Variants in SLC27A1 observed in about 807,000 individuals in gnomAD.
SLC27A1 encodes long-chain fatty acid transport protein 1.
SLC27A1 carries 61 observed loss-of-function variants against 62.2 expected under a neutral mutation model. The observed-to-expected ratio is 0.98, with a 90% CI of 0.80 to 1.21. The LOEUF is 1.21. Among genes scored for constraint, SLC27A1 ranks in the 50% most tolerant of loss-of-function variants. The pLI is 0.00. For missense variants in SLC27A1, 903 were observed against 932.1 expected (o/e 0.97, Z 0.41); for synonymous variants, 435 against 408.6 (o/e 1.06, Z -0.78).
chr19:17,470,805 C>G (rs377608983), intron 1 of SLC27A1, 98 bp downstream of exon 1: 2 of 733,738 alleles, frequency 2.7e-6, no homozygotes, highest in Admixed American at 1.3e-4. Flanking sequence ...TTGGAGGGTC[C>G]GGAGAGCTGA....
chr19:17,471,508 A>C (rs1238576089), intron 1 of SLC27A1, among the ~76,000 whole-genome samples: 1 of 151,830 alleles, frequency 6.6e-6, no homozygotes, highest in African/African-American at 2.4e-5. Flanking sequence ...ACTTGCTCAA[A>C]CGAGCCGTTG....
chr19:17,505,765 ACAGGAGAGG>A lies in SLC27A1; in HGVS notation c.*1157_*1165del, dbSNP rs1480239807. The A allele has an allele frequency of 6.6e-6, 1 of 152,536 alleles. No homozygotes were observed. Among genetic ancestry groups the A allele is most frequent in the African/African-American group, 2.4e-5 (1 of 41,414 alleles). 9.4% of individuals were successfully genotyped at this position (152,536 alleles called of 1,614,324 possible). On this transcript the variant is annotated 3_prime_UTR_variant, in exon 12 of 12. Coordinates refer to ENST00000252595, the MANE Select transcript of SLC27A1 (RefSeq NM_198580.3). The stretch of plus-strand genomic sequence containing the variant: ...TCTGGTGTGTCTACTGGAGGGTCCC[ACAGGAGAGG>A]CAGCAGAGGGGTCAGGGGAGGTCTC...
At chr19:17,487,562 G>C (rs377504827) in intron 4 of SLC27A1, 33 bp downstream of exon 4, 1 of 1,599,456 alleles carries the variant, frequency 6.3e-7, no homozygotes, top group African/African-American at 1.3e-5. Context: ...GCCCTCAGCC[G>C]CTGAGAGTGA....
In SLC27A1 at chr19:17,486,540, G is replaced by C; in HGVS notation, c.168-23G>C. The C allele has an allele frequency of 6.4e-7, 1 of 1,551,996 alleles. No homozygotes were observed. The highest frequency in any genetic ancestry group is 1.2e-5 in the South Asian group (1 of 85,968). On this transcript the variant is annotated intron_variant, in intron 1 of 11. Transcript: ENST00000252595. This position sits in a 1 kb window ranked among gnomAD's most constrained non-coding sequence, Gnocchi z 6.6. ...GGCGGGGCAGGGCACCAGTGACGCT[G>C]TCCCCTCCGTCCTCCCTCCCAGCGG...
chr19:17,481,205 G>A (rs374129616), intron 1 of SLC27A1, among the ~76,000 whole-genome samples: 1 of 151,824 alleles, frequency 6.6e-6, no homozygotes, highest in African/African-American at 2.4e-5. Context: ...GATTACAGGC[G>A]TGAGCCACTG....
At chr19:17,482,010 G>A (rs968250959) in intron 1 of SLC27A1, among the ~76,000 whole-genome samples, 1 of 152,246 alleles carries the variant, frequency 6.6e-6, no homozygotes, top group Non-Finnish European at 1.5e-5. Flanking sequence ...CTGCAGGATT[G>A]GAACCTGATC....
intron 7 of SLC27A1, 30 bp downstream of exon 7, chr19:17,497,494 C>T (rs749584602): frequency 1.9e-6 from 3 of 1,573,810 alleles, no homozygotes; most frequent in Non-Finnish European, 2.6e-6. Flanking sequence ...CGGGGCAGGT[C>T]TCGGAGTTCA....
At chr19:17,503,554 G>A (rs1170831731) in intron 11 of SLC27A1, 1 of 151,724 alleles carries the variant, frequency 6.6e-6, no homozygotes, top group African/African-American at 2.4e-5. Flanking sequence ...TCTCCTCCTG[G>A]GCTCAAGTGA....
intron 6 of SLC27A1, among the ~76,000 whole-genome samples, chr19:17,492,815 G>A (rs1238627254): frequency 6.6e-6 from 1 of 151,306 alleles, no homozygotes; most frequent in Non-Finnish European, 1.5e-5. Flanking sequence ...GCACATGCCT[G>A]TAATCCCAGC....
At chr19:17,478,326 G>A (rs1026421451) in intron 1 of SLC27A1, among the ~76,000 whole-genome samples, 2 of 151,668 alleles carry the variant, frequency 1.3e-5, no homozygotes, top group Admixed American at 1.3e-4. Flanking sequence ...AATTAGCCAG[G>A]TGTGGTGGCA....
chr19:17,493,892 C>A (rs1057312859), intron 6 of SLC27A1, among the ~76,000 whole-genome samples: 6 of 152,136 alleles, frequency 3.9e-5, no homozygotes, highest in African/African-American at 1.4e-4. Flanking sequence ...TCCCAAACTG[C>A]TGGGATTACA....
chr19:17,494,177 C>T (rs1316489258), intron 6 of SLC27A1, among the ~76,000 whole-genome samples: 2 of 151,694 alleles, frequency 1.3e-5, no homozygotes, highest in Admixed American at 6.6e-5. Flanking sequence ...CGCCACCACA[C>T]CTGGCTAATT....
chr19:17,501,558 C>T, intron 11 of SLC27A1, 139 bp downstream of exon 11: 2 of 1,183,768 alleles, frequency 1.7e-6, no homozygotes, highest in East Asian at 2.6e-5. Flanking sequence ...AATCCCAGCA[C>T]TTTGGGAGGC....
intron 4 of SLC27A1, 75 bp downstream of exon 4, chr19:17,487,604 T>G: frequency 7.1e-7 from 1 of 1,405,840 alleles, no homozygotes; most frequent in Non-Finnish European, 9.9e-7. Context: ...GACCTGCCCC[T>G]CAGCTCCTGT....
At chr19:17,481,799 G>A (rs1250500228) in intron 1 of SLC27A1, among the ~76,000 whole-genome samples, 3 of 152,198 alleles carry the variant, frequency 2.0e-5, no homozygotes, top group Non-Finnish European at 4.4e-5. Flanking sequence ...GAGCCAGCAT[G>A]CCTGCACGGC....
chr19:17,474,692 G>A (rs1275330283), intron 1 of SLC27A1, among the ~76,000 whole-genome samples: 2 of 149,686 alleles, frequency 1.3e-5, no homozygotes, highest in Non-Finnish European at 3.0e-5. Context: ...GTGCAATGGC[G>A]CGATCTCGGC....
At chr19:17,480,690 A>T (rs2075168735) in intron 1 of SLC27A1, among the ~76,000 whole-genome samples, 1 of 151,600 alleles carries the variant, frequency 6.6e-6, no homozygotes, top group African/African-American at 2.4e-5. Flanking sequence ...TTTTTTTAAA[A>T]ATTTTAATTT....
At position 17,481,845 on chromosome 19, in the gene SLC27A1, G is replaced by A. The variant is rs573207979; in HGVS notation, c.168-4718G>A. On this transcript the variant is annotated intron_variant, in intron 1 of 11. Coordinates refer to ENST00000252595, the MANE Select transcript of SLC27A1 (RefSeq NM_198580.3). ...TTTTTGAAGTTCTCTCCTTAAGGAG[G>A]GAACTCTCCAGTTGGAGATGTTAAT... Among the ~76,000 whole-genome samples the A allele has an allele frequency of 2.3e-4, 35 of 152,254 alleles. No individual in the cohort carries two copies. The South Asian group carries it at 7.3e-3, about 32-fold the overall frequency.
chr19:17,496,991 C>A, intron 6 of SLC27A1: 1 of 411,964 alleles, frequency 2.4e-6, no homozygotes, highest in Middle Eastern at 6.2e-4. Flanking sequence ...CCACTGCACT[C>A]CAGCCTGGGC....
Sources: allele counts gnomAD v4.1 joint callset (sites outside exome capture counted in the v4.1 genomes callset), GRCh38; gene constraint gnomAD v4.1.1; non-coding constraint Gnocchi (gnomAD v3.1); transcripts MANE v1.5; gene names NCBI Gene and HGNC (gene_info 2026-07-23, HGNC 2026-07-21).